The following EPHB1 variants were observed in gnomAD, a reference collection of about 807,000 sequenced individuals.
EPHB1 encodes the protein EPH receptor B1, also known as ephrin type-B receptor 1.
A neutral mutation model predicts 94.4 loss-of-function variants in EPHB1; 30 were observed. That is an observed-to-expected ratio of 0.32 (90% CI 0.24 to 0.43). The LOEUF is 0.43. EPHB1 is among the 20% of genes least tolerant of loss of function. The pLI, the probability that EPHB1 is intolerant of heterozygous loss-of-function variation, is 1.00. For synonymous variants in EPHB1, 522 were observed against 489.1 expected (o/e 1.07, Z -0.89); for missense variants, 1,055 against 1,308.3 (o/e 0.81, Z 2.99).
intron 3 of EPHB1, among the ~76,000 whole-genome samples, chr3:135,011,572 G>T (rs548474844): frequency 6.6e-6 from 1 of 152,268 alleles, no homozygotes; most frequent in African/African-American, 2.4e-5. Context: ...CTGCTGCTCT[G>T]CCTGCTTCAT....
chr3:134,974,427 A>G (rs778672999), intron 3 of EPHB1, among the ~76,000 whole-genome samples: 19 of 152,252 alleles, frequency 1.2e-4, no homozygotes, highest in South Asian at 2.1e-4. Flanking sequence ...ATAGTAATCT[A>G]TTTCCTAGGG....
intron 12 of EPHB1, 102 bp from the exon 13 acceptor site, chr3:135,241,046 T>A: frequency 7.5e-7 from 1 of 1,337,926 alleles, no homozygotes; most frequent in South Asian, 1.2e-5. Flanking sequence ...TCACAAGATA[T>A]GGGAGTGAGA....
intron 3 of EPHB1, among the ~76,000 whole-genome samples, chr3:135,061,438 C>G (rs1937507882): frequency 6.9e-6 from 1 of 144,258 alleles, no homozygotes; most frequent in South Asian, 2.2e-4. Context: ...TGGCTTAGCT[C>G]CCACTTATGA....
intron 3 of EPHB1, among the ~76,000 whole-genome samples, chr3:134,986,557 T>G (rs1251635932): frequency 6.6e-6 from 1 of 152,100 alleles, no homozygotes; most frequent in Non-Finnish European, 1.5e-5. Context: ...CATGATCCCA[T>G]TTACGCATCT....
chr3:135,252,210 TTTTA>T lies in EPHB1; in HGVS notation c.2846+2727_2846+2730del, dbSNP rs562070427. Among the ~76,000 whole-genome samples, 332 of 151,736 alleles carry T rather than the reference TTTTA, an allele frequency of 2.2e-3. 1 individual carries two copies. Among genetic ancestry groups the T allele is most frequent in the African/African-American group, 6.0e-3 (248 of 41,442 alleles). ...TATTTTATTTTTATTTTTTAATATTTTTTATTTATTTTTTATTATTATACTTTAA... is the reference window on the plus strand; with the variant it reads ...TATTTTATTTTTATTTTTTAATATTTTTTATTTTTTATTATTATACTTTAA... On this transcript the variant is annotated intron_variant, in intron 15 of 15. Coordinates refer to ENST00000398015, the MANE Select transcript of EPHB1 (RefSeq NM_004441.5).
intron 1 of EPHB1, among the ~76,000 whole-genome samples, chr3:134,865,052 A>C (rs1293941986): frequency 6.6e-6 from 1 of 152,000 alleles, no homozygotes; most frequent in Non-Finnish European, 1.5e-5. Flanking sequence ...TTTGACTATG[A>C]CCTATAGTAA....
chr3:135,069,271 AC>A (rs760774775), intron 3 of EPHB1, among the ~76,000 whole-genome samples: 6 of 152,002 alleles, frequency 3.9e-5, no homozygotes, highest in Admixed American at 3.3e-4. Context: ...TAAAAACAAA[AC>A]AAAACCTCTG....
At chr3:135,255,065 C>A (rs1231687831) in intron 15 of EPHB1, among the ~76,000 whole-genome samples, 3 of 151,880 alleles carry the variant, frequency 2.0e-5, no homozygotes, top group Non-Finnish European at 4.4e-5. Context: ...TGGTGATATC[C>A]CCTTTATCAT....
intron 2 of EPHB1, among the ~76,000 whole-genome samples, chr3:134,942,132 A>T (rs1329833249): frequency 1.3e-5 from 2 of 152,178 alleles, no homozygotes; most frequent in African/African-American, 4.8e-5. Context: ...GCCTGGTGGC[A>T]CCTGCAGTAA....
chr3:134,913,273 G>C (rs563182365), intron 1 of EPHB1, among the ~76,000 whole-genome samples: 1 of 152,192 alleles, frequency 6.6e-6, no homozygotes, highest in African/African-American at 2.4e-5. Flanking sequence ...GAGGGGTGAG[G>C]GGGGAGCTCA....
intron 3 of EPHB1, among the ~76,000 whole-genome samples, chr3:135,017,150 C>G (rs1384185233): frequency 1.2e-4 from 18 of 152,202 alleles, no homozygotes; most frequent in Admixed American, 1.2e-3. Flanking sequence ...ATTCACAGCT[C>G]TGTGTGCAAG....
At chr3:135,054,381 A>G (rs936727911) in intron 3 of EPHB1, among the ~76,000 whole-genome samples, 4 of 152,106 alleles carry the variant, frequency 2.6e-5, no homozygotes, top group African/African-American at 9.7e-5. Context: ...TTATATATAT[A>G]TATTCCTTTA....
chr3:135,040,567 T>C (rs913879720), intron 3 of EPHB1, among the ~76,000 whole-genome samples: 10 of 152,220 alleles, frequency 6.6e-5, no homozygotes, highest in Non-Finnish European at 4.4e-5. Flanking sequence ...GAGACACACC[T>C]GTGTCCACAT....
intron 10 of EPHB1, among the ~76,000 whole-genome samples, chr3:135,182,586 A>T (rs1177152179): frequency 6.6e-6 from 1 of 152,260 alleles, no homozygotes; most frequent in Non-Finnish European, 1.5e-5. Flanking sequence ...AAAGAGCAGC[A>T]TCCAGCTTGC....
At chr3:134,846,586 C>A (rs1342515620) in intron 1 of EPHB1, among the ~76,000 whole-genome samples, 1 of 152,162 alleles carries the variant, frequency 6.6e-6, no homozygotes, top group Admixed American at 6.5e-5. Flanking sequence ...CCCCCTTCTT[C>A]TCCACGGAGT....
At chr3:134,920,401 TTAAAGAG>T (rs2038659744) in intron 1 of EPHB1, among the ~76,000 whole-genome samples, 1 of 152,182 alleles carries the variant, frequency 6.6e-6, no homozygotes, top group Non-Finnish European at 1.5e-5. Context: ...GCTTTCAGGC[TTAAAGAG>T]TTCTGTGGGC....
chr3:134,887,094 T>C (rs977114423), intron 1 of EPHB1, among the ~76,000 whole-genome samples: 1 of 152,214 alleles, frequency 6.6e-6, no homozygotes, highest in East Asian at 1.9e-4. Context: ...CATTATTCTG[T>C]GGGTTGGCCA....
intron 4 of EPHB1, among the ~76,000 whole-genome samples, chr3:135,123,019 A>G (rs2107683786): frequency 1.3e-5 from 2 of 152,322 alleles, no homozygotes; most frequent in South Asian, 4.1e-4. Flanking sequence ...CCTCAGGGAC[A>G]GGAGCTTTTT....
rs945020066 is a variant in EPHB1 at position 134,847,594 on chromosome 3, GCTGA to G, written c.58+51908_58+51911del. Among the ~76,000 whole-genome samples, 9 of 152,296 alleles carry G rather than the reference GCTGA, an allele frequency of 5.9e-5. No individual in the cohort carries two copies. In the East Asian group the frequency reaches 1.5e-3, roughly 26 times the overall value. ...CCTTGTTTGAAGACCACAGTAAGGT[GCTGA>G]CTAAGTCTGTTGGTCTGCCCCAAGA... On this transcript the variant is annotated intron_variant, in intron 1 of 15. Transcript: ENST00000398015.
Sources: allele counts gnomAD v4.1 joint callset (sites outside exome capture counted in the v4.1 genomes callset), GRCh38; gene constraint gnomAD v4.1.1; transcripts MANE v1.5; gene names NCBI Gene and HGNC (gene_info 2026-07-23, HGNC 2026-07-21).